SDK1: variants seen among roughly 807,000 people sequenced by gnomAD.
The protein encoded by SDK1 is protein sidekick-1.
A neutral mutation model predicts 245.5 loss-of-function variants in SDK1; 157 were observed. The observed-to-expected ratio is 0.64, with a 90% confidence interval of 0.56 to 0.73. The LOEUF is 0.73. Among genes scored for constraint, SDK1 ranks in the 30% least tolerant of loss-of-function variants. The pLI, the probability that SDK1 is intolerant of heterozygous loss-of-function variation, is 0.00. For synonymous variants in SDK1, 1,647 were observed against 1,278.5 expected, an observed-to-expected ratio of 1.29 and a Z score of -6.15; for missense variants, 3,583 against 3,002.3, an observed-to-expected ratio of 1.19 and a Z score of -4.52.
At chr7:3,413,623 G>A (rs1562472099) in intron 1 of SDK1, among the ~76,000 whole-genome samples, 1 of 152,028 alleles carries the variant, frequency 6.6e-6, no homozygotes, top group South Asian at 2.1e-4. Flanking sequence ...CCCAGGGGGC[G>A]GTGGTTGCCT....
chr7:4,142,369 C>T (rs1481728867), intron 28 of SDK1, among the ~76,000 whole-genome samples: 1 of 152,092 alleles, frequency 6.6e-6, no homozygotes, highest in Non-Finnish European at 1.5e-5. Context: ...TGCTCTGTCA[C>T]CCAGGCTGGA....
At chr7:3,534,429 A>G (rs554824858) in intron 1 of SDK1, among the ~76,000 whole-genome samples, 31 of 152,212 alleles carry the variant, frequency 2.0e-4, no homozygotes, top group African/African-American at 7.2e-4. Context: ...TCATATAGTA[A>G]TTATATTTTT....
intron 14 of SDK1, among the ~76,000 whole-genome samples, chr7:4,006,687 T>C (rs1047948091): frequency 1.3e-5 from 2 of 152,218 alleles, no homozygotes; most frequent in African/African-American, 4.8e-5. Flanking sequence ...CAGCCAGACC[T>C]TTTATTTTCT....
intron 1 of SDK1, among the ~76,000 whole-genome samples, chr7:3,400,930 G>T (rs114458000): frequency 1.1e-3 from 160 of 150,468 alleles, no homozygotes; most frequent in African/African-American, 3.7e-3. Context: ...GTGTAGGTCT[G>T]CCTCAGCTGG....
intron 5 of SDK1, among the ~76,000 whole-genome samples, chr7:3,849,008 C>T (rs1046348219): frequency 1.3e-5 from 2 of 152,184 alleles, no homozygotes; most frequent in African/African-American, 2.4e-5. Flanking sequence ...TCTCTTCTTC[C>T]GGACCCCCTT....
intron 1 of SDK1, among the ~76,000 whole-genome samples, chr7:3,356,334 G>T (rs1179006664): frequency 6.6e-6 from 1 of 152,068 alleles, no homozygotes; most frequent in Non-Finnish European, 1.5e-5. Context: ...ATAAACATCT[G>T]GGCAGTTGCC....
At chr7:3,578,325 T>C (rs1780367226) in intron 1 of SDK1, among the ~76,000 whole-genome samples, 2 of 151,900 alleles carry the variant, frequency 1.3e-5, no homozygotes, top group African/African-American at 4.8e-5. Flanking sequence ...GTCACAAAGA[T>C]CACATGCTTC....
intron 5 of SDK1, among the ~76,000 whole-genome samples, chr7:3,926,401 G>A (rs189874880): frequency 2.5e-3 from 387 of 152,274 alleles, no homozygotes; most frequent in Middle Eastern, 0.014. Flanking sequence ...TGTTACATTT[G>A]TTTCTATTGT....
chr7:3,779,851 G>T (rs1205047710), intron 4 of SDK1, among the ~76,000 whole-genome samples: 3 of 149,270 alleles, frequency 2.0e-5, no homozygotes, highest in African/African-American at 7.5e-5. Context: ...AGAATGGCGT[G>T]AACCCGGGAA....
At chr7:3,779,330 C>A (rs988484556) in intron 4 of SDK1, among the ~76,000 whole-genome samples, 1 of 152,084 alleles carries the variant, frequency 6.6e-6, no homozygotes, top group African/African-American at 2.4e-5. Flanking sequence ...TGGATAAGAG[C>A]AAGGCAGCTC....
chr7:4,077,010 C>G lies in SDK1; in HGVS notation c.3023C>G (p.Ser1008Cys), dbSNP rs113791749. 1.9e-6 allele frequency: 3 copies of G among 1,614,046 alleles called. No individual in the cohort carries two copies. In the East Asian group the frequency reaches 6.7e-5, roughly 36 times the overall value. ...TGTTGCTTTCTAGGCTATCAGATCT[C>G]TTGGGAAGTGTACGGCAGGAACGAC... ...KNGIITGYQI[S>C]WEVYGRNDSR... Residue 1008 changes from serine (S) to cysteine (C), a missense_variant, in exon 21 of 45, where the codon TCT (serine) becomes TGT (cysteine). By Grantham distance (112) the Ser-to-Cys change is moderately radical. Transcript: ENST00000404826.
At chr7:3,699,003 C>G (rs1265822170) in intron 4 of SDK1, among the ~76,000 whole-genome samples, 3 of 152,126 alleles carry the variant, frequency 2.0e-5, no homozygotes, top group African/African-American at 7.2e-5. Flanking sequence ...TTCACCCAAA[C>G]CTGGGAGGAA....
intron 4 of SDK1, among the ~76,000 whole-genome samples, chr7:3,729,463 C>T (rs987687516): frequency 2.0e-5 from 3 of 152,170 alleles, no homozygotes; most frequent in Admixed American, 2.0e-4. Flanking sequence ...GTGGGGGCCA[C>T]ATTTGCCATC....
At chr7:3,869,945 T>TA (rs1207432831) in intron 5 of SDK1, among the ~76,000 whole-genome samples, 1 of 152,242 alleles carries the variant, frequency 6.6e-6, no homozygotes, top group African/African-American at 2.4e-5. Flanking sequence ...ATGTTGTATT[T>TA]ATTGTTTCCT....
Position 3,642,085 on chromosome 7 carries a change from G to A in SDK1, c.693G>A (p.Lys231=). ...TGACTTGGTTTAGAGAAGGGCACAA[G>A]ATTATTCCAAGCAACAGAATGTAAG... The part of the protein sequence containing the change: ...PQVTWFREGH[K]IIPSNRIAIT... Residue 231 remains lysine, a synonymous_variant, in exon 4 of 45, where the codon AAG becomes AAA. Transcript: ENST00000404826. 1 of 1,614,108 alleles carries A rather than the reference G, an allele frequency of 6.2e-7. No homozygotes were observed. The highest frequency in any genetic ancestry group is 8.5e-7 in the Non-Finnish European group (1 of 1,180,014).
At chr7:3,378,436 T>G (rs1339084582) in intron 1 of SDK1, among the ~76,000 whole-genome samples, 4 of 152,192 alleles carry the variant, frequency 2.6e-5, no homozygotes, top group Admixed American at 2.0e-4. Flanking sequence ...CACTTGCGTT[T>G]CTTCGAGCAT....
chr7:4,005,393 AGTGTGTGTGTGT>A lies in SDK1; in HGVS notation c.2132-5540_2132-5529del, dbSNP rs71032920. Among the ~76,000 whole-genome samples, 237 of 129,878 alleles carry A rather than the reference AGTGTGTGTGTGT, an allele frequency of 1.8e-3. 2 individuals carry two copies. Among genetic ancestry groups the A allele is most frequent in the African/African-American group, 2.4e-3 (82 of 34,036 alleles). 85.2% of individuals were successfully genotyped at this position (129,878 alleles called of 152,430 possible). ...TCCGGGTAGTTTCTTTTCTTATGTG[AGTGTGTGTGTGT>A]GTGTGTGTGTGTGTGTGTGTGTGTG... On this transcript the variant is annotated intron_variant, in intron 14 of 44. Transcript: ENST00000404826.
At chr7:4,043,348 A>G (rs9691924) in intron 17 of SDK1, among the ~76,000 whole-genome samples, 34,396 of 148,802 alleles carry the variant, frequency 0.23, 5,509 homozygotes, top group African/African-American at 0.47. Flanking sequence ...AGTGAGTGTC[A>G]CAGCCAGGGA....
At chr7:3,970,354 T>A (rs1782390773) in intron 11 of SDK1, among the ~76,000 whole-genome samples, 1 of 152,258 alleles carries the variant, frequency 6.6e-6, no homozygotes, top group Non-Finnish European at 1.5e-5. Context: ...TGTAAAATGA[T>A]CATGCGTTTA....
Sources: gnomAD v4.1 joint callset for allele counts (sites outside exome capture counted in the v4.1 genomes callset) on GRCh38, gnomAD v4.1.1 for gene constraint, MANE v1.5 for transcripts, NCBI Gene and HGNC (gene_info 2026-07-23, HGNC 2026-07-21) for gene names.